Variants in ADARB2 observed in about 807,000 individuals in gnomAD.
ADARB2 encodes the protein adenosine deaminase RNA specific B2 (inactive).
A neutral mutation model predicts 62.2 loss-of-function variants in ADARB2; 25 were observed. The ratio of observed to expected loss-of-function variants is 0.40; its 90% CI spans 0.29 to 0.56. The LOEUF (loss-of-function observed/expected upper bound fraction) is 0.56. Ranked by LOEUF, ADARB2 falls within the 20% of genes least tolerant of loss-of-function variation. The pLI is 0.43. For missense variants in ADARB2, 1,071 were observed against 1,077.4 expected, an observed-to-expected ratio of 0.99 and a Z score of 0.08; for synonymous variants, 572 against 500.8, an observed-to-expected ratio of 1.14 and a Z score of -1.90.
chr10:1,647,426 C>T lies in ADARB2; in HGVS notation c.100+89625G>A, dbSNP rs117486849. ...ACATGTGTGTGCATATATGTGTATA[C>T]ATATGTGTATACCTGTGTATATACA... On this transcript the variant is annotated intron_variant, in intron 1 of 9. Coordinates refer to ENST00000381312, the MANE Select transcript of ADARB2 (RefSeq NM_018702.4). Among the ~76,000 whole-genome samples, 1,328 of 151,934 alleles carry T rather than the reference C, an allele frequency of 8.7e-3. 7 individuals carry two copies. The highest frequency in any genetic ancestry group is 0.013 in the Non-Finnish European group (897 of 67,970).
intron 1 of ADARB2, among the ~76,000 whole-genome samples, chr10:1,451,585 TGAGGAGGGGCTC>T (rs1831039148): frequency 6.7e-6 from 1 of 149,310 alleles, no homozygotes; most frequent in African/African-American, 2.5e-5. Context: ...CACACCTGTA[TGAGGAGGGGCTC>T]ACCTGTATAA....
chr10:1,450,511 C>T (rs1564292457), intron 1 of ADARB2, among the ~76,000 whole-genome samples: 4 of 152,230 alleles, frequency 2.6e-5, no homozygotes, highest in African/African-American at 4.8e-5. Flanking sequence ...ATGCCTCCCT[C>T]GCCCCCTTGG....
At chr10:1,295,533 G>A (rs188241521) in intron 3 of ADARB2, among the ~76,000 whole-genome samples, 53 of 152,232 alleles carry the variant, frequency 3.5e-4, no homozygotes, top group Admixed American at 1.6e-3. Context: ...AGGACAAGAG[G>A]ACCCTGAGTG....
intron 1 of ADARB2, among the ~76,000 whole-genome samples, chr10:1,597,247 G>C (rs1188329270): frequency 1.3e-5 from 2 of 152,138 alleles, no homozygotes; most frequent in African/African-American, 4.8e-5. Flanking sequence ...AGGGGGATAT[G>C]TGTATATAGC....
chr10:1,416,253 G>C (rs1832800764), intron 1 of ADARB2, among the ~76,000 whole-genome samples: 1 of 152,228 alleles, frequency 6.6e-6, no homozygotes, highest in Admixed American at 6.5e-5. Context: ...ATGTAAGACA[G>C]GATTTGGCAA....
At position 1,255,317 on chromosome 10, in the gene ADARB2, G is replaced by A. The variant is rs1157611491; in HGVS notation, c.1193-13018C>T. ...GAAATGAGGCAATCACTGGCCCTGG[G>A]TGCCACGTCACGTAGCTTGTCCTCG... On this transcript the variant is annotated intron_variant, in intron 4 of 9. Transcript: ENST00000381312. The surrounding 1 kb of genome is among the most constrained non-coding windows in gnomAD (Gnocchi z 4.7). Among the ~76,000 whole-genome samples the A allele has an allele frequency of 3.3e-5, 5 of 152,258 alleles. No homozygotes were observed. The highest frequency in any genetic ancestry group is 7.2e-5 in the African/African-American group (3 of 41,474).
Position 1,696,103 on chromosome 10 carries a change from GCA to G in ADARB2, c.100+40946_100+40947del, listed in dbSNP as rs554034458. ...TCCATGCATGTCTGTGTGCATATATGCACACACATGTCCATGTTTGCATGTAG... is the reference window on the plus strand; with the variant it reads ...TCCATGCATGTCTGTGTGCATATATGCACACATGTCCATGTTTGCATGTAG... On this transcript the variant is annotated intron_variant, in intron 1 of 9. Transcript: ENST00000381312. Among the ~76,000 whole-genome samples the G allele has an allele frequency of 1.9e-4, 29 of 152,204 alleles. No homozygotes were observed. The East Asian group carries it at 4.3e-3, about 22-fold the overall frequency.
chr10:1,196,046 T>A (rs965502375), intron 8 of ADARB2, among the ~76,000 whole-genome samples: 2 of 152,100 alleles, frequency 1.3e-5, no homozygotes, highest in Admixed American at 6.6e-5. Context: ...TACCTCACAC[T>A]CTCAGCCCAA....
chr10:1,545,450 T>C (rs1368324860), intron 1 of ADARB2, among the ~76,000 whole-genome samples: 1 of 152,154 alleles, frequency 6.6e-6, no homozygotes, highest in African/African-American at 2.4e-5. Flanking sequence ...AGAACAGAAA[T>C]GAGAATGGAT....
intron 1 of ADARB2, among the ~76,000 whole-genome samples, chr10:1,679,334 C>T (rs1353717220): frequency 6.6e-6 from 1 of 152,122 alleles, no homozygotes; most frequent in African/African-American, 2.4e-5. Context: ...AGAGGAGATC[C>T]TGTGCCGGGC....
chr10:1,642,838 G>GC (rs1047982519), intron 1 of ADARB2, among the ~76,000 whole-genome samples: 11 of 152,084 alleles, frequency 7.2e-5, no homozygotes, highest in African/African-American at 2.7e-4. Context: ...ACACACACTC[G>GC]CCCCTTGGCT....
chr10:1,326,442 C>T (rs1324613559), intron 3 of ADARB2, among the ~76,000 whole-genome samples: 2 of 152,194 alleles, frequency 1.3e-5, no homozygotes, highest in African/African-American at 2.4e-5. Flanking sequence ...AAGGCGAGAC[C>T]CCACGAGGGA....
chr10:1,676,373 T>G (rs1480621636), intron 1 of ADARB2, among the ~76,000 whole-genome samples: 1 of 152,186 alleles, frequency 6.6e-6, no homozygotes, highest in African/African-American at 2.4e-5. Context: ...ACCATTGACT[T>G]GTATAGACTT....
intron 1 of ADARB2, among the ~76,000 whole-genome samples, chr10:1,678,682 T>C (rs568692552): frequency 7.2e-5 from 11 of 152,100 alleles, no homozygotes; most frequent in Middle Eastern, 3.2e-3. Flanking sequence ...GGCCCAGTTC[T>C]TTTTAGGAGA....
chr10:1,478,493 T>C (rs1488391442), intron 1 of ADARB2, among the ~76,000 whole-genome samples: 1 of 152,224 alleles, frequency 6.6e-6, no homozygotes, highest in East Asian at 1.9e-4. Context: ...GACATTGTTG[T>C]TTGAAAGAGT....
chr10:1,262,608 G>A (rs1413613485), intron 4 of ADARB2, among the ~76,000 whole-genome samples: 6 of 152,064 alleles, frequency 3.9e-5, no homozygotes, highest in Non-Finnish European at 8.8e-5. Context: ...TTAGAATGGT[G>A]ATCATTAAAA....
intron 1 of ADARB2, among the ~76,000 whole-genome samples, chr10:1,497,398 C>T (rs540381581): frequency 7.9e-5 from 12 of 152,160 alleles, no homozygotes; most frequent in African/African-American, 2.4e-4. Flanking sequence ...TAGAGACTCA[C>T]CAAAAATTTC....
At chr10:1,702,427 G>A (rs1834832951) in intron 1 of ADARB2, among the ~76,000 whole-genome samples, 1 of 152,184 alleles carries the variant, frequency 6.6e-6, no homozygotes, top group Admixed American at 6.5e-5. Flanking sequence ...AGGGTCTGGG[G>A]CCCTTGACTC....
chr10:1,527,717 A>C (rs1462203143), intron 1 of ADARB2, among the ~76,000 whole-genome samples: 1 of 152,218 alleles, frequency 6.6e-6, no homozygotes, highest in Non-Finnish European at 1.5e-5. Context: ...ATAGTCTATC[A>C]GAATAATTTT....
Sources: gnomAD v4.1 joint callset for allele counts (sites outside exome capture counted in the v4.1 genomes callset) on GRCh38, gnomAD v4.1.1 for gene constraint, Gnocchi (gnomAD v3.1) non-coding constraint, MANE v1.5 for transcripts, NCBI Gene and HGNC (gene_info 2026-07-23, HGNC 2026-07-21) for gene names.